The following CDH4 variants were observed in gnomAD, a reference collection of about 807,000 sequenced individuals.
CDH4 encodes the protein cadherin-4.
CDH4 carries 33 observed loss-of-function variants against 86.0 expected under a neutral mutation model. That is an observed-to-expected ratio of 0.38 (90% CI 0.29 to 0.51). The LOEUF is 0.51. Among genes scored for constraint, CDH4 ranks in the 20% least tolerant of loss-of-function variants. The pLI, the probability that CDH4 is intolerant of heterozygous loss-of-function variation, is 0.86. For synonymous variants in CDH4, 555 were observed against 549.4 expected (o/e 1.01, Z -0.14); for missense variants, 1,114 against 1,307.4 (o/e 0.85, Z 2.28).
intron 2 of CDH4, among the ~76,000 whole-genome samples, chr20:61,643,315 C>T (rs867482092): frequency 6.6e-6 from 1 of 152,220 alleles, no homozygotes; most frequent in Non-Finnish European, 1.5e-5. Context: ...TGGCTCTGCC[C>T]TCATGACTCA....
chr20:61,826,997 G>A (rs371585784), intron 4 of CDH4, among the ~76,000 whole-genome samples: 2 of 109,102 alleles, frequency 1.8e-5, no homozygotes, highest in South Asian at 5.6e-4. Context: ...GTGTGTGTGT[G>A]TGTGTGTGTG....
chr20:61,254,302 T>C (rs1369631638), intron 1 of CDH4, among the ~76,000 whole-genome samples: 1 of 152,236 alleles, frequency 6.6e-6, no homozygotes. Flanking sequence ...GCTCCGGACC[T>C]AGTCCTAGAG....
At chr20:61,664,451 C>T (rs2236414) in intron 2 of CDH4, among the ~76,000 whole-genome samples, 21,564 of 152,206 alleles carry the variant, frequency 0.14, 1,696 homozygotes, top group East Asian at 0.31. Flanking sequence ...CTGAACACCG[C>T]GGCCTTTGCA....
At chr20:61,550,260 C>A (rs573350113) in intron 2 of CDH4, among the ~76,000 whole-genome samples, 41 of 137,594 alleles carry the variant, frequency 3.0e-4, no homozygotes, top group East Asian at 1.0e-3. Context: ...AGCTTGCCTC[C>A]CTGGCCTCCC....
At chr20:61,608,021 C>T (rs1376198526) in intron 2 of CDH4, among the ~76,000 whole-genome samples, 1 of 152,148 alleles carries the variant, frequency 6.6e-6, no homozygotes, top group Non-Finnish European at 1.5e-5. Flanking sequence ...TTAGATTTCA[C>T]ACTCCACCAG....
intron 14 of CDH4, among the ~76,000 whole-genome samples, chr20:61,933,602 T>TC (rs1368496770): frequency 6.6e-6 from 1 of 151,974 alleles, no homozygotes; most frequent in Non-Finnish European, 1.5e-5. Context: ...CTCAGACCCC[T>TC]CCCTGCCCCT....
At chr20:61,785,420 T>G (rs891065793) in intron 4 of CDH4, among the ~76,000 whole-genome samples, 3 of 152,184 alleles carry the variant, frequency 2.0e-5, no homozygotes, top group African/African-American at 7.2e-5. Context: ...GAATCGCTGC[T>G]GGAGGAGTGG....
At chr20:61,923,158 G>C (rs1231630009) in intron 9 of CDH4, among the ~76,000 whole-genome samples, 1 of 152,238 alleles carries the variant, frequency 6.6e-6, no homozygotes, top group East Asian at 1.9e-4. Flanking sequence ...CCCAGCGGGG[G>C]CTGCAGCCCC....
intron 2 of CDH4, among the ~76,000 whole-genome samples, chr20:61,453,200 C>T (rs12479835): frequency 0.18 from 26,950 of 152,100 alleles, 2,481 homozygotes; most frequent in Non-Finnish European, 0.19. Flanking sequence ...TATCCAGGAA[C>T]TTGAACAATT....
intron 3 of CDH4, among the ~76,000 whole-genome samples, chr20:61,766,973 G>A (rs1232942583): frequency 6.6e-6 from 1 of 152,230 alleles, no homozygotes; most frequent in Non-Finnish European, 1.5e-5. Context: ...TGGTGGGATG[G>A]GCCCATCAAG....
At chr20:61,895,368 G>A (rs769718549) in intron 8 of CDH4, among the ~76,000 whole-genome samples, 9 of 152,250 alleles carry the variant, frequency 5.9e-5, no homozygotes, top group African/African-American at 9.6e-5. Context: ...GAAGGCCTGC[G>A]TGTGGGACCC....
chr20:61,658,559 A>C (rs1334496796), intron 2 of CDH4, among the ~76,000 whole-genome samples: 1 of 152,170 alleles, frequency 6.6e-6, no homozygotes, highest in East Asian at 1.9e-4. Flanking sequence ...AGTACCTGCA[A>C]GGAGCAAAGG....
At chr20:61,866,619 G>A (rs1238313178) in intron 6 of CDH4, among the ~76,000 whole-genome samples, 2 of 152,228 alleles carry the variant, frequency 1.3e-5, no homozygotes, top group Non-Finnish European at 2.9e-5. Flanking sequence ...TGTTAAAGAT[G>A]TACGATCCAG....
intron 2 of CDH4, among the ~76,000 whole-genome samples, chr20:61,310,099 C>T (rs142500471): frequency 5.9e-5 from 9 of 152,294 alleles, no homozygotes; most frequent in Non-Finnish European, 8.8e-5. Flanking sequence ...CTGCCCCCCT[C>T]CAAAGCCCAT....
chr20:61,660,299 G>A (rs1033673482), intron 2 of CDH4, among the ~76,000 whole-genome samples: 2 of 152,222 alleles, frequency 1.3e-5, no homozygotes, highest in African/African-American at 4.8e-5. Context: ...CGCCCGCAAG[G>A]CATCTGTTCT....
intron 4 of CDH4, among the ~76,000 whole-genome samples, chr20:61,815,948 CA>C (rs1375559307): frequency 2.0e-5 from 3 of 152,196 alleles, no homozygotes; most frequent in Non-Finnish European, 4.4e-5. Flanking sequence ...TCTCAATTTA[CA>C]AAAGAAGGTT....
chr20:61,727,897 G>A (rs1230052593), intron 2 of CDH4, among the ~76,000 whole-genome samples: 3 of 152,116 alleles, frequency 2.0e-5, no homozygotes, highest in Non-Finnish European at 4.4e-5. Flanking sequence ...AGACTTAGCT[G>A]GGCCAAACCA....
rs773101066 is a variant in CDH4, at chr20:61,924,387, G to A, written c.1682G>A (p.Gly561Asp). 2 of 1,613,936 alleles carry A rather than the reference G, an allele frequency of 1.2e-6. No homozygotes were observed. Among genetic ancestry groups the A allele is most frequent in the Non-Finnish European group, 1.7e-6 (2 of 1,179,976 alleles). ...TGGCTGCACATCAATGCCACCAACG[G>A]CCAGATCACCACGGCGGCAGTGCTG... ...ASWLHINATNGQITTAAVLDR... is the reference protein window; with the variant it reads ...ASWLHINATNDQITTAAVLDR... Residue 561 changes from glycine to aspartate, a missense_variant, in exon 11 of 16, where the codon GGC (glycine) becomes GAC (aspartate). Transcript: ENST00000614565.
chr20:61,549,792 C>T (rs1052006279), intron 2 of CDH4, among the ~76,000 whole-genome samples: 2 of 152,216 alleles, frequency 1.3e-5, no homozygotes, highest in African/African-American at 4.8e-5. Context: ...GAGCGCTTAG[C>T]GCATGGGAAA....
Sources: allele counts gnomAD v4.1 joint callset (sites outside exome capture counted in the v4.1 genomes callset), GRCh38; gene constraint gnomAD v4.1.1; transcripts MANE v1.5; gene names NCBI Gene and HGNC (gene_info 2026-07-23, HGNC 2026-07-21).